Variants in SAR1B observed in about 807,000 individuals in gnomAD.
The protein encoded by SAR1B is secretion associated Ras related GTPase 1B.
A neutral mutation model predicts 26.8 loss-of-function variants in SAR1B; 23 were observed. The ratio of observed to expected loss-of-function variants is 0.86; its 90% CI spans 0.62 to 1.22. SAR1B has a LOEUF of 1.22. Among genes scored for constraint, SAR1B ranks in the 50% most tolerant of loss-of-function variants. The probability of loss-of-function intolerance (pLI) is 0.00; values close to 1 mark genes in which losing one functional copy is unlikely to be tolerated. For missense variants in SAR1B, 196 were observed against 232.8 expected, an observed-to-expected ratio of 0.84 and a Z score of 1.03; for synonymous variants, 65 against 80.8, an observed-to-expected ratio of 0.80 and a Z score of 1.05.
chr5:134,610,052 GTATTTATATTACA>G (rs1391324750), intron 4 of SAR1B, among the ~76,000 whole-genome samples: 3 of 151,252 alleles, frequency 2.0e-5, no homozygotes, highest in Admixed American at 6.6e-5. Flanking sequence ...TAAAATGTGT[GTATTTATATTACA>G]TATATATGCA....
At chr5:134,624,265 C>T (rs149161910) in intron 1 of SAR1B, among the ~76,000 whole-genome samples, 4 of 152,106 alleles carry the variant, frequency 2.6e-5, no homozygotes, top group Admixed American at 2.0e-4. Context: ...AGAAATTAAC[C>T]GGGTGTGGTC....
chr5:134,630,778 CA>C (rs772159748), intron 1 of SAR1B, among the ~76,000 whole-genome samples: 778 of 59,232 alleles, frequency 0.013, 3 homozygotes, highest in East Asian at 0.028. Flanking sequence ...GACTCCGTCT[CA>C]AAAAAAAAAA....
chr5:134,628,473 C>A (rs1281450188), intron 1 of SAR1B, among the ~76,000 whole-genome samples: 1 of 151,958 alleles, frequency 6.6e-6, no homozygotes, highest in African/African-American at 2.4e-5. Context: ...CTTTGGGATG[C>A]AAAGCATGGT....
chr5:134,612,675 A>AAAAAAAAAAAAAAAAT lies in SAR1B; in HGVS notation c.244+15_244+16insATTTTTTTTTTTTTTT. 8.7e-7 allele frequency: 1 copy of AAAAAAAAAAAAAAAAT among 1,148,908 alleles called. No homozygotes were observed. The highest frequency in any genetic ancestry group is 1.2e-6 in the Non-Finnish European group (1 of 839,626). 71.2% of individuals were successfully genotyped at this position (1,148,908 alleles called of 1,614,324 possible). A position where few individuals can be genotyped will look rare whatever the true frequency, so the allele number is the denominator to read the frequency against. ...AAAAAAAAAAAAAAAAAAAAAAAAA[A>AAAAAAAAAAAAAAAAT]AAAAAAGAATCTTACCTTGAACATG... On this transcript the variant is annotated intron_variant, in intron 4 of 6. Transcript: ENST00000402673.
At chr5:134,620,081 C>T (rs968603469) in intron 3 of SAR1B, among the ~76,000 whole-genome samples, 1 of 151,950 alleles carries the variant, frequency 6.6e-6, no homozygotes, top group African/African-American at 2.4e-5. Flanking sequence ...CCGAGGAAGG[C>T]GGATCACAAG....
intron 1 of SAR1B, among the ~76,000 whole-genome samples, chr5:134,625,016 G>A (rs1765472369): frequency 6.6e-6 from 1 of 152,138 alleles, no homozygotes. Context: ...AAGTAATAGG[G>A]AAGAAAGGAA....
chr5:134,630,321 G>A (rs1036320605), intron 1 of SAR1B, among the ~76,000 whole-genome samples: 2 of 151,952 alleles, frequency 1.3e-5, no homozygotes, highest in African/African-American at 4.8e-5. Context: ...TGAGTGTGGT[G>A]GTGTATGCCT....
At chr5:134,628,726 C>T (rs1402053174) in intron 1 of SAR1B, among the ~76,000 whole-genome samples, 1 of 151,996 alleles carries the variant, frequency 6.6e-6, no homozygotes, top group African/African-American at 2.4e-5. Flanking sequence ...ACAATCTTGG[C>T]TCACTGCAAC....
intron 2 of SAR1B, among the ~76,000 whole-genome samples, chr5:134,621,531 G>A (rs537653503): frequency 5.0e-4 from 76 of 151,978 alleles, no homozygotes; most frequent in African/African-American, 1.7e-3. Context: ...CATGATTTGG[G>A]ACTTCAGATA....
rs548266040 is a variant in SAR1B, at chr5:134,606,860, A to G, written c.*90T>C. 2.5e-5 allele frequency: 21 copies of G among 840,836 alleles called. No homozygotes were observed. The highest frequency in any genetic ancestry group is 4.4e-4 in the Middle Eastern group (2 of 4,538). 52.1% of individuals were successfully genotyped at this position (840,836 alleles called of 1,614,324 possible). ...AAAAACATCTGTTTTATAACCAGCA[A>G]AAGTCTATTGAATTCAAGTTATGCA... On this transcript the variant is annotated 3_prime_UTR_variant, in exon 7 of 7. Transcript: ENST00000402673.
At chr5:134,630,224 G>T (rs931770523) in intron 1 of SAR1B, among the ~76,000 whole-genome samples, 23 of 152,068 alleles carry the variant, frequency 1.5e-4, no homozygotes, top group Non-Finnish European at 5.9e-5. Flanking sequence ...GGGAGGCTGA[G>T]GGGGGCGGAT....
intron 1 of SAR1B, among the ~76,000 whole-genome samples, chr5:134,624,616 G>A (rs1765465225): frequency 1.4e-5 from 2 of 145,438 alleles, no homozygotes; most frequent in Admixed American, 1.5e-4. Context: ...AATGGGATAA[G>A]GGAAGTGAGT....
At chr5:134,608,529 C>T in intron 5 of SAR1B, 26 bp from the exon 6 acceptor site, 1 of 1,604,558 alleles carries the variant, frequency 6.2e-7, no homozygotes, top group Non-Finnish European at 8.5e-7. Context: ...CAATACAAAA[C>T]AAGAGTTGAT....
rs150874817 is a variant in SAR1B at position 134,612,058 on chromosome 5, T to C, written c.244+633A>G. Among the ~76,000 whole-genome samples, 201 of 152,298 alleles carry C rather than the reference T, an allele frequency of 1.3e-3. 1 individual carries two copies. Among genetic ancestry groups the C allele is most frequent in the African/African-American group, 4.6e-3 (193 of 41,556 alleles). On this transcript the variant is annotated intron_variant, in intron 4 of 6. Transcript: ENST00000402673. ...AACTGGGACCAGATCATAGAGATCC[T>C]GAATGCCAGGTTAATGAGTTTGGCC...
intron 3 of SAR1B, chr5:134,614,066 G>A (rs1425705257): frequency 6.6e-6 from 1 of 152,092 alleles, no homozygotes. Context: ...CAGACTTTGG[G>A]AGGCCAAGGT....
At chr5:134,627,245 G>T (rs564258543) in intron 1 of SAR1B, among the ~76,000 whole-genome samples, 2 of 151,724 alleles carry the variant, frequency 1.3e-5, no homozygotes, top group South Asian at 4.2e-4. Context: ...TAGCGACGGG[G>T]TTTCACCATG....
chr5:134,609,064 T>C lies in SAR1B; in HGVS notation c.348+507A>G, dbSNP rs544549898. The C allele has an allele frequency of 1.1e-5, 5 of 456,670 alleles. No homozygotes were observed. The East Asian group carries it at 3.5e-4, about 32-fold the overall frequency. 28.3% of individuals were successfully genotyped at this position (456,670 alleles called of 1,614,324 possible). The stretch of plus-strand genomic sequence containing the variant: ...ACCTTCAATCAAATCATGGACCTGC[T>C]TACTCTGTGGCCCCAGATCTGGTGC... On this transcript the variant is annotated intron_variant, in intron 5 of 6. Transcript: ENST00000402673.
At chr5:134,608,911 C>T (rs956657326) in intron 5 of SAR1B, 13 of 363,724 alleles carry the variant, frequency 3.6e-5, no homozygotes, top group Non-Finnish European at 6.5e-5. Context: ...GTAATACGCA[C>T]AGTCTCTGGA....
chr5:134,610,880 T>C (rs1463121722), intron 4 of SAR1B, among the ~76,000 whole-genome samples: 1 of 151,438 alleles, frequency 6.6e-6, no homozygotes, highest in African/African-American at 2.4e-5. Context: ...TTTTATGACA[T>C]ACCTTTTTTT....
Sources: gnomAD v4.1 joint callset for allele counts (sites outside exome capture counted in the v4.1 genomes callset) on GRCh38, gnomAD v4.1.1 for gene constraint, MANE v1.5 for transcripts, NCBI Gene and HGNC (gene_info 2026-07-23, HGNC 2026-07-21) for gene names.